PRMT8: variants seen among roughly 807,000 people sequenced by gnomAD.
PRMT8 encodes protein arginine methyltransferase 8, also known as protein arginine N-methyltransferase 8.
In PRMT8, 7 loss-of-function variants were observed where a neutral mutation model predicts 47.1. That is an observed-to-expected ratio of 0.15 (90% confidence interval 0.08 to 0.28). PRMT8 has a LOEUF of 0.28. PRMT8 is among the 10% of genes least tolerant of loss of function. PRMT8 has a pLI of 1.00. For missense variants in PRMT8, 237 were observed against 505.4 expected (o/e 0.47, Z 5.09); for synonymous variants, 188 against 186.5 (o/e 1.01, Z -0.07).
Position 3,538,659 on chromosome 12 carries a change from G to A in PRMT8, c.76-1947G>A, listed in dbSNP as rs780546115. 1.9e-6 allele frequency: 1 copy of A among 518,996 alleles called. No homozygotes were observed. The highest frequency in any genetic ancestry group is 5.4e-5 in the East Asian group (1 of 18,352). 32.1% of individuals were successfully genotyped at this position (518,996 alleles called of 1,614,324 possible). A position where few individuals can be genotyped will look rare whatever the true frequency, so the allele number is the denominator to read the frequency against. Reference sequence around the variant, plus strand: ...CCTCTCCTTCACATATTTAAATGGAGTCGATATTGGGGTCAGCTTCATGCA... The same window carrying A: ...CCTCTCCTTCACATATTTAAATGGAATCGATATTGGGGTCAGCTTCATGCA... On this transcript the variant is annotated intron_variant, in intron 1 of 9. Transcript: ENST00000382622. This position sits in a 1 kb window ranked among gnomAD's most constrained non-coding sequence, Gnocchi z 4.6.
intron 1 of PRMT8, chr12:3,381,518 T>G: frequency 7.0e-7 from 1 of 1,430,220 alleles, no homozygotes; most frequent in South Asian, 1.2e-5. Context: ...CTTGACCCCG[T>G]GTGGGCTGTT....
chr12:3,424,243 C>CT (rs1398671481), intron 1 of PRMT8, among the ~76,000 whole-genome samples: 1 of 152,254 alleles, frequency 6.6e-6, no homozygotes, highest in Middle Eastern at 3.4e-3. Context: ...ACACGCTCCC[C>CT]TTTTTTCCAG....
At chr12:3,489,917 C>G (rs1462966845), upstream of PRMT8, among the ~76,000 whole-genome samples, 2 of 152,114 alleles carry the variant, frequency 1.3e-5, no homozygotes, top group African/African-American at 4.8e-5. Flanking sequence ...GTCTCTATCC[C>G]TCACTTCTCA....
chr12:3,563,237 C>T (rs953072732), intron 4 of PRMT8, among the ~76,000 whole-genome samples: 1 of 152,000 alleles, frequency 6.6e-6, no homozygotes, highest in African/African-American at 2.4e-5. Flanking sequence ...GCTAGCAGGG[C>T]TTTAGAGCTC....
chr12:3,592,222 AC>A lies in PRMT8; in HGVS notation c.980-5del. On this transcript the variant is annotated splice_region_variant and splice_polypyrimidine_tract_variant and intron_variant, in intron 8 of 9. Transcript: ENST00000382622. The stretch of plus-strand genomic sequence containing the variant: ...TTCTTCCCACCTCCCCTGTTCTCTC[AC>A]CCCTCAGCCCCTGATGCTCCCTACA... 1 of 1,550,374 alleles carries A rather than the reference AC, an allele frequency of 6.5e-7. No individual in the cohort carries two copies. The highest frequency in any genetic ancestry group is 8.6e-7 in the Non-Finnish European group (1 of 1,156,400).
rs1865756878 is a variant in PRMT8, at chr12:3,514,362, G to T, written c.75+22662G>T. Among the ~76,000 whole-genome samples the T allele has an allele frequency of 6.6e-6, 1 of 152,138 alleles. No homozygotes were observed. Among genetic ancestry groups the T allele is most frequent in the South Asian group, 2.1e-4 (1 of 4,824 alleles). The stretch of plus-strand genomic sequence containing the variant: ...AGGACCCTCTGGCTCACCTTGTGGG[G>T]GATGCCAGCACCAGATTGCTGTTGG... On this transcript the variant is annotated intron_variant, in intron 1 of 9. Transcript: ENST00000382622. The surrounding 1 kb of genome is among the most constrained non-coding windows in gnomAD (Gnocchi z 5.9).
Position 3,492,549 on chromosome 12 carries a change from C to T in PRMT8, c.75+849C>T, listed in dbSNP as rs922345555. 3.3e-5 allele frequency among the ~76,000 whole-genome samples: 5 copies of T among 152,220 alleles called. No homozygotes were observed. The highest frequency in any genetic ancestry group is 1.2e-4 in the African/African-American group (5 of 41,456). On this transcript the variant is annotated intron_variant, in intron 1 of 9. Transcript: ENST00000382622. The surrounding 1 kb of genome is among the most constrained non-coding windows in gnomAD (Gnocchi z 7.5). Reference sequence around the variant, plus strand: ...GTTCTCGGCCCCCGCCTTCGGCAGCCTTTTTCTCTACTCTCCAGCTGGCCC... The same window carrying T: ...GTTCTCGGCCCCCGCCTTCGGCAGCTTTTTTCTCTACTCTCCAGCTGGCCC...
At chr12:3,457,842 CTTTTTT>C (rs762181050) in intron 1 of PRMT8, among the ~76,000 whole-genome samples, 1 of 81,100 alleles carries the variant, frequency 1.2e-5, no homozygotes, top group South Asian at 4.9e-4. Context: ...TTCCAGTTTG[CTTTTTT>C]TTTTTTTTTT....
upstream of PRMT8, among the ~76,000 whole-genome samples, chr12:3,488,511 T>C (rs984305569): frequency 1.3e-5 from 2 of 152,196 alleles, no homozygotes; most frequent in African/African-American, 4.8e-5. Context: ...TTGCCTCCCA[T>C]GAAAATCTCC....
chr12:3,432,089 G>A (rs1229855040), intron 1 of PRMT8, among the ~76,000 whole-genome samples: 6 of 152,202 alleles, frequency 3.9e-5, no homozygotes, highest in Admixed American at 2.6e-4. Flanking sequence ...GCGAGGAGAC[G>A]TGGGATCCCT....
intron 1 of PRMT8, among the ~76,000 whole-genome samples, chr12:3,522,665 A>C (rs4766135): frequency 0.81 from 116,450 of 144,180 alleles, 47,597 homozygotes; most frequent in Non-Finnish European, 0.87. Flanking sequence ...AAAAAAAAAA[A>C]AAACAAGCTC....
At chr12:3,491,760 C>G in intron 1 of PRMT8, 60 bp downstream of exon 1, 1 of 1,539,376 alleles carries the variant, frequency 6.5e-7, no homozygotes, top group East Asian at 2.4e-5. Context: ...GACCACCGCG[C>G]CGCCGCCGCC....
rs201032396 is a variant in PRMT8, at chr12:3,593,062, C to T, written c.1102-37C>T. 1,210 of 1,571,574 alleles carry T rather than the reference C, an allele frequency of 7.7e-4. 2 individuals carry two copies. Among genetic ancestry groups the T allele is most frequent in the African/African-American group, 1.1e-3 (78 of 74,170 alleles). The stretch of plus-strand genomic sequence containing the variant: ...GTGGGGCTGTGGCTTCATACCCAGA[C>T]GGCCGCCTGACCCTTCGCTCTCTCT... On this transcript the variant is annotated intron_variant, in intron 9 of 9. Transcript: ENST00000382622. The surrounding 1 kb of genome is among the most constrained non-coding windows in gnomAD (Gnocchi z 4.8).
At chr12:3,423,663 T>C (rs1451634200) in intron 1 of PRMT8, among the ~76,000 whole-genome samples, 1 of 152,202 alleles carries the variant, frequency 6.6e-6, no homozygotes, top group Non-Finnish European at 1.5e-5. Flanking sequence ...TATGCCCACA[T>C]ATCCAGTATA....
intron 7 of PRMT8, among the ~76,000 whole-genome samples, chr12:3,577,856 C>T (rs1866976932): frequency 6.6e-6 from 1 of 152,148 alleles, no homozygotes; most frequent in Non-Finnish European, 1.5e-5. Flanking sequence ...GTCTTTGCCA[C>T]ACCAATCCCT....
At chr12:3,581,029 C>T (rs968380169) in intron 7 of PRMT8, among the ~76,000 whole-genome samples, 10 of 152,192 alleles carry the variant, frequency 6.6e-5, no homozygotes, top group Non-Finnish European at 1.2e-4. Flanking sequence ...AAGGACCCCT[C>T]CCCTTGAGGG....
chr12:3,384,471 A>AT (rs1864121304), intron 1 of PRMT8, among the ~76,000 whole-genome samples: 2 of 152,146 alleles, frequency 1.3e-5, no homozygotes, highest in African/African-American at 2.4e-5. Context: ...AAAGAAATGT[A>AT]TTTTTTTCTC....
intron 1 of PRMT8, among the ~76,000 whole-genome samples, chr12:3,534,851 A>G (rs1015206286): frequency 7.9e-5 from 12 of 152,224 alleles, no homozygotes; most frequent in Non-Finnish European, 1.5e-4. Flanking sequence ...TTGGCATAAA[A>G]CAGATACTGG....
intron 2 of PRMT8, among the ~76,000 whole-genome samples, chr12:3,544,840 A>T (rs1400276480): frequency 1.3e-5 from 2 of 152,172 alleles, no homozygotes; most frequent in African/African-American, 4.8e-5. Flanking sequence ...GAAATGCTTC[A>T]CTTTGACCAA....
Sources: gnomAD v4.1 joint callset for allele counts (sites outside exome capture counted in the v4.1 genomes callset) on GRCh38, gnomAD v4.1.1 for gene constraint, Gnocchi (gnomAD v3.1) non-coding constraint, MANE v1.5 for transcripts, NCBI Gene and HGNC (gene_info 2026-07-23, HGNC 2026-07-21) for gene names.